HERC2: variants seen among roughly 807,000 people sequenced by gnomAD.
HERC2 encodes E3 ubiquitin-protein ligase HERC2.
A neutral mutation model predicts 537.7 loss-of-function variants in HERC2; 102 were observed. The ratio of observed to expected loss-of-function variants is 0.19; its 90% confidence interval spans 0.16 to 0.22. HERC2 has a LOEUF of 0.22. Among genes scored for constraint, HERC2 ranks in the 10% least tolerant of loss-of-function variants. The probability of loss-of-function intolerance (pLI) is 1.00; values close to 1 mark genes in which losing one functional copy is unlikely to be tolerated. For missense variants in HERC2, 4,236 were observed against 6,198.2 expected, an observed-to-expected ratio of 0.68 and a Z score of 10.63; for synonymous variants, 2,224 against 2,466.2, an observed-to-expected ratio of 0.90 and a Z score of 2.91.
intron 8 of HERC2, 121 bp from the exon 9 acceptor site, chr15:28,272,507 A>T: frequency 1.1e-6 from 1 of 901,506 alleles, no homozygotes; most frequent in East Asian, 2.6e-5. Flanking sequence ...TTGAAAGGAA[A>T]CTAAACTAAA....
intron 24 of HERC2, among the ~76,000 whole-genome samples, 192 bp downstream of exon 24, chr15:28,238,410 C>T (rs1902685725): frequency 1.3e-5 from 2 of 151,992 alleles, no homozygotes; most frequent in South Asian, 2.1e-4. Context: ...AGTATTAAAA[C>T]AAAAAATGCA....
At position 28,245,564 on chromosome 15, in the gene HERC2, T is replaced by TACACAC. The variant is rs1232976281; in HGVS notation, c.3577+316_3577+317insGTGTGT. ...GTAGTGTCAAAAAAAAAAAAAAATA[T>TACACAC]ATACACACACACACACACACACACA... On this transcript the variant is annotated intron_variant, in intron 23 of 92. Transcript: ENST00000261609. 1.3e-3 allele frequency among the ~76,000 whole-genome samples: 139 copies of TACACAC among 108,956 alleles called. 2 individuals are homozygous for TACACAC. The highest frequency in any genetic ancestry group is 2.8e-3 in the Admixed American group (30 of 10,872). The allele number at this position is 108,956 out of a possible 152,430, so 71.5% of individuals were successfully genotyped here.
intron 21 of HERC2, among the ~76,000 whole-genome samples, chr15:28,248,296 G>C (rs567661694): frequency 5.9e-5 from 9 of 152,204 alleles, no homozygotes; most frequent in African/African-American, 1.9e-4. Flanking sequence ...TCTTCTGTAA[G>C]ACTAAACTGA....
Position 28,202,109 on chromosome 15 carries a change from T to C in HERC2, c.7617+4A>G. The C allele has an allele frequency of 6.6e-7, 1 of 1,510,654 alleles. No homozygotes were observed. Among genetic ancestry groups the C allele is most frequent in the Admixed American group, 1.7e-5 (1 of 57,686 alleles). The allele number at this position is 1,510,654 out of a possible 1,614,324, so 93.6% of individuals were successfully genotyped here. ...GTGCGGGCGGTCACATGGGAGGCACTGACCATGGAGTAGGCGGCATCATCC... is the reference window on the plus strand; with the variant it reads ...GTGCGGGCGGTCACATGGGAGGCACCGACCATGGAGTAGGCGGCATCATCC... On this transcript the variant is annotated splice_donor_region_variant and intron_variant, in intron 47 of 92. Transcript: ENST00000261609.
rs183143974 is a variant in HERC2 at position 28,290,997 on chromosome 15, A to G, written c.322+1891T>C. ...GCAGAAATCAATGAAAAAGAAAACA[A>G]AATCAATAAAACCAACAACTGGTTC... On this transcript the variant is annotated intron_variant, in intron 4 of 92. Coordinates refer to ENST00000261609, the MANE Select transcript of HERC2 (RefSeq NM_004667.6). Among the ~76,000 whole-genome samples, 76 of 152,308 alleles carry G rather than the reference A, an allele frequency of 5.0e-4. No individual in the cohort carries two copies. In the East Asian group the frequency reaches 0.01, roughly 20 times the overall value.
chr15:28,148,776 A>C lies in HERC2; in HGVS notation c.10901-2432T>G, dbSNP rs1464026491. 2.6e-5 allele frequency among the ~76,000 whole-genome samples: 4 copies of C among 152,180 alleles called. No homozygotes were observed. In the East Asian group the frequency reaches 7.7e-4, roughly 29 times the overall value. ...ACCGAAGAAACACATGCGGCTTCTA[A>C]CCGAGAGCATCACCGAGAACGGCCA... On this transcript the variant is annotated intron_variant, in intron 70 of 92. Coordinates refer to ENST00000261609, the MANE Select transcript of HERC2 (RefSeq NM_004667.6).
intron 44 of HERC2, among the ~76,000 whole-genome samples, chr15:28,207,461 A>C (rs947152490): frequency 6.6e-6 from 1 of 152,164 alleles, no homozygotes; most frequent in African/African-American, 2.4e-5. Flanking sequence ...GTGTTCACTC[A>C]CGGCTTCAGT....
intron 65 of HERC2, among the ~76,000 whole-genome samples, chr15:28,172,783 C>A (rs1437004749): frequency 2.6e-5 from 4 of 152,162 alleles, no homozygotes; most frequent in African/African-American, 9.7e-5. Context: ...AAATTAAAAA[C>A]TTCTAATCTT....
chr15:28,253,827 T>G (rs924764729), intron 20 of HERC2, among the ~76,000 whole-genome samples: 1 of 151,224 alleles, frequency 6.6e-6, no homozygotes, highest in Non-Finnish European at 1.5e-5. Context: ...CCAGGTGTGG[T>G]TGCGGACGCC....
At chr15:28,272,127 C>T in intron 9 of HERC2, 88 bp downstream of exon 9, 6 of 1,220,264 alleles carry the variant, frequency 4.9e-6, no homozygotes, top group Non-Finnish European at 4.5e-6. Flanking sequence ...CAGAGAAAAA[C>T]ACTGCCGTTG....
intron 45 of HERC2, among the ~76,000 whole-genome samples, chr15:28,204,653 A>C (rs1051512512): frequency 2.0e-5 from 3 of 151,966 alleles, no homozygotes; most frequent in Non-Finnish European, 4.4e-5. Flanking sequence ...TAAAGGATGA[A>C]GAAAGGAACT....
intron 5 of HERC2, among the ~76,000 whole-genome samples, chr15:28,279,352 T>C (rs2075961745): frequency 6.6e-6 from 1 of 152,108 alleles, no homozygotes; most frequent in Non-Finnish European, 1.5e-5. Context: ...ACATGAAGCA[T>C]CTAAACTAGT....
chr15:28,263,913 T>C (rs2075483913), intron 14 of HERC2, among the ~76,000 whole-genome samples: 1 of 149,076 alleles, frequency 6.7e-6, no homozygotes, highest in Admixed American at 6.8e-5. Context: ...ATATCTATAA[T>C]CCAGCTGAGG....
At chr15:28,225,696 CA>C (rs35629645) in intron 35 of HERC2, among the ~76,000 whole-genome samples, 8,973 of 58,652 alleles carry the variant, frequency 0.15, 255 homozygotes, top group East Asian at 0.45. Context: ...GACTCCGTCT[CA>C]AAAAAAAAAA....
At chr15:28,225,696 C>CAAA (rs35629645) in intron 35 of HERC2, among the ~76,000 whole-genome samples, 87 of 58,760 alleles carry the variant, frequency 1.5e-3, no homozygotes, top group East Asian at 0.013. Flanking sequence ...GACTCCGTCT[C>CAAA]AAAAAAAAAA....
intron 2 of HERC2, 48 bp from the exon 3 acceptor site, chr15:28,299,564 T>C (rs1265819279): frequency 1.0e-6 from 1 of 961,934 alleles, no homozygotes; most frequent in South Asian, 1.4e-5. Flanking sequence ...ACACTCACAT[T>C]GCAATTTTTA....
chr15:28,258,490 A>T (rs558003099), intron 16 of HERC2, among the ~76,000 whole-genome samples: 25 of 152,186 alleles, frequency 1.6e-4, no homozygotes, highest in African/African-American at 5.8e-4. Flanking sequence ...TAATAATAAT[A>T]ATCATCCATG....
chr15:28,256,938 C>T, intron 17 of HERC2, 123 bp downstream of exon 17: 1 of 859,922 alleles, frequency 1.2e-6, no homozygotes, highest in Non-Finnish European at 1.8e-6. Context: ...TAGTGCATTA[C>T]AATCTTACTT....
At chr15:28,112,253 T>TTGTC (rs1402893324) in intron 92 of HERC2, among the ~76,000 whole-genome samples, 4 of 152,164 alleles carry the variant, frequency 2.6e-5, no homozygotes, top group Admixed American at 2.6e-4. Context: ...TGGCTCTCTA[T>TTGTC]TGTCATCCCG....
Sources: gnomAD v4.1 joint callset for allele counts (sites outside exome capture counted in the v4.1 genomes callset) on GRCh38, gnomAD v4.1.1 for gene constraint, MANE v1.5 for transcripts, NCBI Gene and HGNC (gene_info 2026-07-23, HGNC 2026-07-21) for gene names.